The following WDFY3 variants were observed in gnomAD, a reference collection of about 807,000 sequenced individuals.
The protein encoded by WDFY3 is WD repeat and FYVE domain-containing protein 3.
In WDFY3, 66 loss-of-function variants were observed where a neutral mutation model predicts 409.6. The observed-to-expected ratio is 0.16, with a 90% confidence interval of 0.13 to 0.20. The LOEUF is 0.20. WDFY3 is among the 10% of genes least tolerant of loss of function. The pLI, the probability that WDFY3 is intolerant of heterozygous loss-of-function variation, is 1.00. For synonymous variants in WDFY3, 1,521 were observed against 1,537.1 expected (o/e 0.99, Z 0.25); for missense variants, 3,031 against 4,298.1 (o/e 0.71, Z 8.24).
At chr4:84,789,132 A>G (rs1578523454) in intron 22 of WDFY3, among the ~76,000 whole-genome samples, 1 of 152,232 alleles carries the variant, frequency 6.6e-6, no homozygotes, top group African/African-American at 2.4e-5. Context: ...AGTAACAAGC[A>G]GGATTTATTC....
intron 51 of WDFY3, among the ~76,000 whole-genome samples, chr4:84,712,487 G>A (rs1271049552): frequency 9.9e-5 from 15 of 151,598 alleles, no homozygotes; most frequent in Admixed American, 8.6e-4. Context: ...TTGGGAGGCC[G>A]AGGTGGACAG....
rs1753849979 is a variant in WDFY3, at chr4:84,820,162, A to G, written c.1616T>C (p.Val539Ala). 1.2e-6 allele frequency: 2 copies of G among 1,610,044 alleles called. No individual in the cohort carries two copies. The highest frequency in any genetic ancestry group is 4.5e-5 in the East Asian group (2 of 44,696). Residue 539 changes from valine to alanine, a missense_variant, in exon 12 of 68, where the codon GTT (valine) becomes GCT (alanine). Physicochemically the swap from Val to Ala is moderately conservative, Grantham distance 64. Coordinates refer to ENST00000295888, the MANE Select transcript of WDFY3 (RefSeq NM_014991.6). Reference sequence around the variant, plus strand: ...TAAAGCCAGGTGTTTTTGGTCTTCAACTGAACTATTATTTCTTGAGTCCCC... The same window carrying G: ...TAAAGCCAGGTGTTTTTGGTCTTCAGCTGAACTATTATTTCTTGAGTCCCC... ...EQGDSRNNSS[V>A]EDQKHLALLV... is the part of the protein sequence containing the mutation.
chr4:84,839,769 A>AC (rs1293781328), intron 6 of WDFY3, among the ~76,000 whole-genome samples: 7 of 151,992 alleles, frequency 4.6e-5, no homozygotes, highest in African/African-American at 1.7e-4. Context: ...GAGGCAAGAG[A>AC]ATCGCTTGAA....
At chr4:84,787,179 G>C (rs1349161535) in intron 23 of WDFY3, among the ~76,000 whole-genome samples, 1 of 152,108 alleles carries the variant, frequency 6.6e-6, no homozygotes, top group East Asian at 1.9e-4. Context: ...CATGTAATAG[G>C]AGAAATCACA....
intron 1 of WDFY3, among the ~76,000 whole-genome samples, chr4:84,946,568 A>T (rs1415749938): frequency 2.6e-5 from 4 of 152,096 alleles, no homozygotes; most frequent in Non-Finnish European, 5.9e-5. Context: ...TAGCAGGGTT[A>T]TCTCTACTAG....
intron 4 of WDFY3, among the ~76,000 whole-genome samples, chr4:84,856,342 A>G (rs1405346181): frequency 2.6e-5 from 4 of 152,258 alleles, no homozygotes; most frequent in Non-Finnish European, 4.4e-5. Context: ...ACAGCAAAAT[A>G]TAACAAATAC....
chr4:84,815,597 G>A (rs1365089051), intron 13 of WDFY3, among the ~76,000 whole-genome samples: 1 of 152,016 alleles, frequency 6.6e-6, no homozygotes, highest in Non-Finnish European at 1.5e-5. Context: ...TTTTCTAAGA[G>A]TTTAGGCCAA....
chr4:84,898,329 A>G (rs1765907365), intron 2 of WDFY3, among the ~76,000 whole-genome samples: 1 of 152,194 alleles, frequency 6.6e-6, no homozygotes, highest in Non-Finnish European at 1.5e-5. Context: ...ATGACCTATG[A>G]CTTTTATTTG....
intron 62 of WDFY3, among the ~76,000 whole-genome samples, chr4:84,686,223 G>A (rs111334890): frequency 0.12 from 19,004 of 152,046 alleles, 1,632 homozygotes; most frequent in African/African-American, 0.23. Flanking sequence ...GGAGAATGGC[G>A]TGAACCCGGG....
At chr4:84,871,991 T>C (rs1413939497) in intron 3 of WDFY3, among the ~76,000 whole-genome samples, 4 of 152,168 alleles carry the variant, frequency 2.6e-5, no homozygotes. Flanking sequence ...AGCAGTAATG[T>C]GTTGGATGAT....
rs1050908953 is a variant in WDFY3 at position 84,794,780 on chromosome 4, T to C, written c.3269-43A>G. ...AAAAAAAGTCTGTGTTGATTAATATTTATATTTTTTAAAAGATGCCAACAA... is the reference window on the plus strand; with the variant it reads ...AAAAAAAGTCTGTGTTGATTAATATCTATATTTTTTAAAAGATGCCAACAA... On this transcript the variant is annotated intron_variant, in intron 20 of 67. Coordinates refer to ENST00000295888, the MANE Select transcript of WDFY3 (RefSeq NM_014991.6). The C allele has an allele frequency of 2.6e-6, 4 of 1,529,672 alleles. No homozygotes were observed. In the East Asian group the frequency reaches 7.3e-5, roughly 28 times the overall value. 94.8% of individuals were successfully genotyped at this position (1,529,672 alleles called of 1,614,324 possible).
At chr4:84,949,752 C>T (rs950701368) in intron 1 of WDFY3, among the ~76,000 whole-genome samples, 3 of 152,116 alleles carry the variant, frequency 2.0e-5, no homozygotes, top group South Asian at 4.2e-4. Flanking sequence ...AGCTAAAGAT[C>T]AAGCCACAGA....
intron 6 of WDFY3, 54 bp from the exon 7 acceptor site, chr4:84,837,144 C>G: frequency 7.4e-7 from 1 of 1,347,022 alleles, no homozygotes; most frequent in Non-Finnish European, 9.7e-7. Flanking sequence ...ATAATTGGTA[C>G]AGCCAAATAA....
At chr4:84,817,714 C>T (rs1753506292) in intron 12 of WDFY3, 129 bp from the exon 13 acceptor site, 3 of 841,808 alleles carry the variant, frequency 3.6e-6, no homozygotes, top group Non-Finnish European at 5.4e-6. Flanking sequence ...ACCTACCCAA[C>T]TATTTCACCT....
intron 5 of WDFY3, among the ~76,000 whole-genome samples, chr4:84,847,599 T>C (rs1655258331): frequency 7.8e-6 from 1 of 127,904 alleles, no homozygotes; most frequent in Non-Finnish European, 1.6e-5. Context: ...ACCCCGTCTC[T>C]ACTAAAAAAA....
At chr4:84,842,768 G>T (rs1472977396) in intron 5 of WDFY3, among the ~76,000 whole-genome samples, 1 of 152,324 alleles carries the variant, frequency 6.6e-6, no homozygotes, top group South Asian at 2.1e-4. Context: ...GCAACAGAGC[G>T]AGACTCCGTC....
At chr4:84,795,417 T>TTAA (rs756318323) in intron 19 of WDFY3, among the ~76,000 whole-genome samples, 7 of 152,292 alleles carry the variant, frequency 4.6e-5, no homozygotes, top group Admixed American at 6.5e-5. Flanking sequence ...CACAGAGGTT[T>TTAA]CAATCAATAT....
At chr4:84,910,848 G>C (rs1767667587) in intron 2 of WDFY3, among the ~76,000 whole-genome samples, 1 of 151,886 alleles carries the variant, frequency 6.6e-6, no homozygotes, top group African/African-American at 2.4e-5. Context: ...TGGGATTACA[G>C]GTGTGTGCCA....
intron 8 of WDFY3, among the ~76,000 whole-genome samples, chr4:84,829,582 G>A (rs1305534904): frequency 1.3e-5 from 2 of 151,946 alleles, no homozygotes; most frequent in Admixed American, 1.3e-4. Context: ...CTAGTAATTA[G>A]TTAAAACTTT....
Sources: gnomAD v4.1 joint callset for allele counts (sites outside exome capture counted in the v4.1 genomes callset) on GRCh38, gnomAD v4.1.1 for gene constraint, MANE v1.5 for transcripts, NCBI Gene and HGNC (gene_info 2026-07-23, HGNC 2026-07-21) for gene names.